The following OR9Q1 variants were observed in gnomAD, a reference collection of about 807,000 sequenced individuals.
OR9Q1 encodes the protein olfactory receptor family 9 subfamily Q member 1, also known as olfactory receptor 9Q1.
For missense variants in OR9Q1, 374 were observed against 378.8 expected, an observed-to-expected ratio of 0.99 and a Z score of 0.11; for synonymous variants, 153 against 148.6, an observed-to-expected ratio of 1.03 and a Z score of -0.22.
chr11:58,120,677 G>C (rs894200137), intron 2 of OR9Q1, among the ~76,000 whole-genome samples: 1 of 151,352 alleles, frequency 6.6e-6, no homozygotes, highest in Admixed American at 6.6e-5. Context: ...TTTTGTTGTT[G>C]CTATTATCAT....
At chr11:58,031,273 C>T in intron 1 of OR9Q1, 1 of 1,614,160 alleles carries the variant, frequency 6.2e-7, no homozygotes, top group Non-Finnish European at 8.5e-7. Context: ...AGCTCTTCAT[C>T]TTCACCTTTC....
Position 58,180,781 on chromosome 11 carries a change from C to G in OR9Q1, c.*404C>G, listed in dbSNP as rs1484254408. The G allele has an allele frequency of 1.2e-5, 2 of 172,400 alleles. No homozygotes were observed. Among genetic ancestry groups the G allele is most frequent in the Non-Finnish European group, 2.8e-5 (2 of 71,776 alleles). The allele number at this position is 172,400 out of a possible 1,614,324, so 10.7% of individuals were successfully genotyped here. ...GAGATTGTGTAATTGCTAATATTTG[C>G]TGTCTTTACTTGGTTACATAGATGT... On this transcript the variant is annotated 3_prime_UTR_variant, in exon 3 of 3. Transcript: ENST00000335397.
At chr11:58,113,704 T>C (rs1021736004) in intron 2 of OR9Q1, among the ~76,000 whole-genome samples, 4 of 152,140 alleles carry the variant, frequency 2.6e-5, no homozygotes, top group Non-Finnish European at 5.9e-5. Context: ...GACATATTTG[T>C]TCCTGATTAT....
At chr11:58,137,644 G>A (rs1697482083) in intron 2 of OR9Q1, among the ~76,000 whole-genome samples, 1 of 152,132 alleles carries the variant, frequency 6.6e-6, no homozygotes, top group African/African-American at 2.4e-5. Flanking sequence ...TCATAATAAT[G>A]AGCCATGAGA....
chr11:58,147,692 G>A (rs2119886720), intron 2 of OR9Q1, among the ~76,000 whole-genome samples: 1 of 152,172 alleles, frequency 6.6e-6, no homozygotes. Context: ...TGTGTTTTAG[G>A]CAATTATCTT....
At chr11:58,124,776 C>T (rs1854071915) in intron 2 of OR9Q1, 1 of 152,174 alleles carries the variant, frequency 6.6e-6, no homozygotes, top group Non-Finnish European at 1.5e-5. Context: ...GGTTCTCTGA[C>T]CCCAGAGTTG....
In OR9Q1 at chr11:58,179,461, T is replaced by G. The variant is rs1450771291; in HGVS notation, c.17T>G (p.Leu6Arg). 1 of 1,569,058 alleles carries G rather than the reference T, an allele frequency of 6.4e-7. No homozygotes were observed. Among genetic ancestry groups the G allele is most frequent in the Non-Finnish European group, 8.6e-7 (1 of 1,156,270 alleles). ...ACTGGTGTCATGGCAGAGATGAACCTCACCTTGGTGACCGAGTTCCTCCTT... is the reference window on the plus strand; with the variant it reads ...ACTGGTGTCATGGCAGAGATGAACCGCACCTTGGTGACCGAGTTCCTCCTT... Reference protein sequence around the residue: MAEMNLTLVTEFLLIA... With the variant: MAEMNRTLVTEFLLIA... Residue 6 changes from leucine to arginine, a missense_variant, in exon 3 of 3, where the codon CTC (leucine) becomes CGC (arginine). By Grantham distance (102) the Leu-to-Arg change is moderately radical. Coordinates refer to ENST00000335397, the MANE Select transcript of OR9Q1 (RefSeq NM_001005212.4).
chr11:58,090,495 C>A (rs984929389), intron 2 of OR9Q1, among the ~76,000 whole-genome samples: 3 of 152,124 alleles, frequency 2.0e-5, no homozygotes, highest in Admixed American at 1.3e-4. Flanking sequence ...GGTATGAAGT[C>A]GACTTGATCG....
intron 1 of OR9Q1, among the ~76,000 whole-genome samples, chr11:58,038,984 A>ATTAT (rs750112470): frequency 5.7e-4 from 86 of 151,822 alleles, no homozygotes; most frequent in East Asian, 1.5e-3. Flanking sequence ...TTATTTTTAA[A>ATTAT]TTATTTATTT....
intron 2 of OR9Q1, among the ~76,000 whole-genome samples, chr11:58,152,875 C>T (rs947634475): frequency 6.6e-5 from 10 of 152,170 alleles, no homozygotes; most frequent in South Asian, 2.1e-4. Flanking sequence ...TTATTTTGCA[C>T]GCATGACAGT....
chr11:58,046,279 C>CCT (rs3085834), intron 1 of OR9Q1, among the ~76,000 whole-genome samples: 39,554 of 152,022 alleles, frequency 0.26, 5,685 homozygotes, highest in East Asian at 0.6. Flanking sequence ...TTTGTTCCCT[C>CCT]CTCTCAGGGT....
chr11:58,099,716 T>A (rs1853765882), intron 2 of OR9Q1, among the ~76,000 whole-genome samples: 1 of 152,230 alleles, frequency 6.6e-6, no homozygotes, highest in Admixed American at 6.5e-5. Flanking sequence ...ATGAAATTAC[T>A]GATGTGACCC....
chr11:58,119,300 TTAACA>T, intron 2 of OR9Q1: 1 of 1,613,872 alleles, frequency 6.2e-7, no homozygotes, highest in East Asian at 2.2e-5. Context: ...TCTACTTGGA[TTAACA>T]TAATCATCCC....
chr11:58,139,249 CTTTTA>C (rs1854219260), intron 2 of OR9Q1, among the ~76,000 whole-genome samples: 1 of 150,290 alleles, frequency 6.7e-6, no homozygotes, highest in African/African-American at 2.5e-5. Context: ...TTCCCTTTCA[CTTTTA>C]TTTTAAGTTC....
intron 2 of OR9Q1, among the ~76,000 whole-genome samples, chr11:58,094,687 C>T (rs1267312017): frequency 6.6e-6 from 1 of 152,064 alleles, no homozygotes; most frequent in Non-Finnish European, 1.5e-5. Flanking sequence ...ATTATTTTTG[C>T]TATTAGAACC....
intron 2 of OR9Q1, among the ~76,000 whole-genome samples, chr11:58,125,993 G>A (rs1854086985): frequency 6.6e-6 from 1 of 152,198 alleles, no homozygotes; most frequent in Non-Finnish European, 1.5e-5. Flanking sequence ...CCCATATCAG[G>A]GGCTGAAACC....
rs1043543748 is a variant in OR9Q1, at chr11:58,180,669, ATT to A, written c.*299_*300del. On this transcript the variant is annotated 3_prime_UTR_variant, in exon 3 of 3. Coordinates refer to ENST00000335397, the MANE Select transcript of OR9Q1 (RefSeq NM_001005212.4). Reference sequence around the variant, plus strand: ...TCACCTGTCTGTGATTATAAGAGTAATTTTTTTTGCAAAATTTTTAATGAAAG... The same window carrying A: ...TCACCTGTCTGTGATTATAAGAGTAATTTTTTGCAAAATTTTTAATGAAAG... 7.9e-6 allele frequency: 2 copies of A among 253,326 alleles called. No individual in the cohort carries two copies. The highest frequency in any genetic ancestry group is 1.0e-4 in the Admixed American group (2 of 19,900). 15.7% of individuals were successfully genotyped at this position (253,326 alleles called of 1,614,324 possible).
intron 2 of OR9Q1, among the ~76,000 whole-genome samples, chr11:58,161,572 C>T (rs1854458391): frequency 6.6e-6 from 1 of 150,594 alleles, no homozygotes; most frequent in Admixed American, 6.6e-5. Flanking sequence ...TAGACAGAGC[C>T]TTACTCTGTC....
intron 1 of OR9Q1, among the ~76,000 whole-genome samples, chr11:58,034,467 T>G (rs189571187): frequency 2.4e-4 from 37 of 152,286 alleles, no homozygotes; most frequent in African/African-American, 7.9e-4. Flanking sequence ...GAAAGAAGAA[T>G]AATATTTCAT....
Sources: gnomAD v4.1 joint callset for allele counts (sites outside exome capture counted in the v4.1 genomes callset) on GRCh38, gnomAD v4.1.1 for gene constraint, MANE v1.5 for transcripts, NCBI Gene and HGNC (gene_info 2026-07-23, HGNC 2026-07-21) for gene names.